The following SV2B variants were observed in gnomAD, a reference collection of about 807,000 sequenced individuals.
SV2B encodes the protein synaptic vesicle glycoprotein 2B.
A neutral mutation model predicts 73.9 loss-of-function variants in SV2B; 41 were observed. That is an observed-to-expected ratio of 0.56 (90% confidence interval 0.43 to 0.72). The LOEUF (loss-of-function observed/expected upper bound fraction) is 0.72, where lower values mean the gene tolerates loss of function less well. Ranked by LOEUF, SV2B falls within the 30% of genes least tolerant of loss-of-function variation. The pLI is 0.00. For missense variants in SV2B, 764 were observed against 857.8 expected, an observed-to-expected ratio of 0.89 and a Z score of 1.37; for synonymous variants, 314 against 314.2, an observed-to-expected ratio of 1.00 and a Z score of 0.01.
intron 1 of SV2B, among the ~76,000 whole-genome samples, chr15:91,199,990 G>A (rs1246045870): frequency 6.6e-6 from 1 of 152,156 alleles, no homozygotes; most frequent in Admixed American, 6.5e-5. Flanking sequence ...TCAGGGCCTG[G>A]CTTTCTTCTG....
chr15:91,255,459 G>A (rs555162580), intron 4 of SV2B, among the ~76,000 whole-genome samples: 1 of 152,234 alleles, frequency 6.6e-6, no homozygotes, highest in Admixed American at 6.5e-5. Flanking sequence ...AGGGACTCTG[G>A]GGACTCGGGG....
intron 1 of SV2B, chr15:91,102,461 A>G (rs1470246298): frequency 6.6e-6 from 1 of 152,222 alleles, no homozygotes; most frequent in South Asian, 2.1e-4. Context: ...CGATCATCAT[A>G]TATAACTTGC....
rs2049146013 is a variant in SV2B at position 91,294,302 on chromosome 15, A to G, written c.*1750A>G. 1 of 152,080 alleles carries G rather than the reference A, an allele frequency of 6.6e-6. No homozygotes were observed. Among genetic ancestry groups the G allele is most frequent in the Non-Finnish European group, 1.5e-5 (1 of 68,012 alleles). 9.4% of individuals were successfully genotyped at this position (152,080 alleles called of 1,614,324 possible). On this transcript the variant is annotated 3_prime_UTR_variant, in exon 13 of 13. Transcript: ENST00000394232. This position sits in a 1 kb window ranked among gnomAD's most constrained non-coding sequence, Gnocchi z 4.1. ...GGTTGGTAGGGGTAAATCTTATGACACCTTTCCACCGTCGATTTGAGATCA... is the reference window on the plus strand; with the variant it reads ...GGTTGGTAGGGGTAAATCTTATGACGCCTTTCCACCGTCGATTTGAGATCA...
chr15:91,107,186 C>A (rs116017613), intron 1 of SV2B, among the ~76,000 whole-genome samples: 268 of 152,208 alleles, frequency 1.8e-3, no homozygotes, highest in African/African-American at 5.6e-3. Context: ...AGCTGCCCTT[C>A]ATTTTTACGT....
intron 1 of SV2B, among the ~76,000 whole-genome samples, chr15:91,211,785 A>C (rs2141428108): frequency 7.1e-6 from 1 of 141,540 alleles, no homozygotes; most frequent in African/African-American, 2.6e-5. Context: ...TACAGGCATG[A>C]GCCACCTCGC....
intron 6 of SV2B, among the ~76,000 whole-genome samples, chr15:91,264,106 C>G (rs979680425): frequency 6.6e-6 from 1 of 152,246 alleles, no homozygotes; most frequent in East Asian, 1.9e-4. Context: ...AGCTCCTCCC[C>G]ACTTGCGTCT....
At chr15:91,243,613 C>G (rs1348919776) in intron 2 of SV2B, among the ~76,000 whole-genome samples, 2 of 152,130 alleles carry the variant, frequency 1.3e-5, no homozygotes, top group Non-Finnish European at 2.9e-5. Context: ...GGGTCTGGGT[C>G]TCCTCATTGC....
chr15:91,250,763 T>A (rs1016577518), intron 2 of SV2B, among the ~76,000 whole-genome samples: 1 of 152,070 alleles, frequency 6.6e-6, no homozygotes, highest in Non-Finnish European at 1.5e-5. Flanking sequence ...AAATGAAAGG[T>A]CTTTATACTG....
At chr15:91,167,200 T>C (rs2043947310) in intron 1 of SV2B, among the ~76,000 whole-genome samples, 1 of 152,196 alleles carries the variant, frequency 6.6e-6, no homozygotes, top group Non-Finnish European at 1.5e-5. Context: ...TTACAGTAGT[T>C]TTTTTAAGGT....
At chr15:91,221,695 A>ACGCGCG (rs937088399) in intron 1 of SV2B, among the ~76,000 whole-genome samples, 2 of 132,330 alleles carry the variant, frequency 1.5e-5, no homozygotes, top group African/African-American at 3.1e-5. Context: ...GCATGTGCGC[A>ACGCGCG]CACACACACA....
At chr15:91,133,299 A>T (rs1018330974) in intron 1 of SV2B, among the ~76,000 whole-genome samples, 2 of 151,976 alleles carry the variant, frequency 1.3e-5, no homozygotes, top group Admixed American at 1.3e-4. Context: ...TTTTGATGAA[A>T]CAAACAAACA....
At chr15:91,219,701 A>C (rs1288899133) in intron 1 of SV2B, among the ~76,000 whole-genome samples, 1 of 152,216 alleles carries the variant, frequency 6.6e-6, no homozygotes, top group Non-Finnish European at 1.5e-5. Flanking sequence ...AGAATTGTAC[A>C]ATCATCACTA....
intron 11 of SV2B, among the ~76,000 whole-genome samples, chr15:91,285,104 T>C (rs999510015): frequency 1.3e-5 from 2 of 152,164 alleles, no homozygotes; most frequent in Non-Finnish European, 2.9e-5. Flanking sequence ...GGAAACACAA[T>C]AAATCATAAA....
intron 1 of SV2B, among the ~76,000 whole-genome samples, chr15:91,215,971 G>A (rs570422153): frequency 3.9e-5 from 6 of 152,138 alleles, no homozygotes; most frequent in South Asian, 4.1e-4. Context: ...AAAAAAATTC[G>A]CAGGGTTTGG....
rs1438549094 is a variant in SV2B, at chr15:91,177,266, C to T, written c.-391-48607C>T. ...ATTGATCTATATCTCTGTTTTGGTA[C>T]CAGTACCATGCTGTTTTGGTTACTG... On this transcript the variant is annotated intron_variant, in intron 1 of 12. Transcript: ENST00000394232. Among the ~76,000 whole-genome samples, 8 of 151,890 alleles carry T rather than the reference C, an allele frequency of 5.3e-5. 1 individual carries two copies. The highest frequency in any genetic ancestry group is 1.7e-4 in the African/African-American group (7 of 41,232).
Position 91,110,169 on chromosome 15 carries a change from T to G in SV2B, c.-392+9806T>G, listed in dbSNP as rs1400773998. On this transcript the variant is annotated intron_variant, in intron 1 of 12. Coordinates refer to ENST00000394232, the MANE Select transcript of SV2B (RefSeq NM_001323032.3). The surrounding 1 kb of genome is among the most constrained non-coding windows in gnomAD (Gnocchi z 5.4). ...TTCTTAGCAGTGTTCATTTGCATGT[T>G]TCTCTCATGAAATGACCATGAAAAC... Among the ~76,000 whole-genome samples the G allele has an allele frequency of 1.3e-5, 2 of 152,220 alleles. No individual in the cohort carries two copies. The highest frequency in any genetic ancestry group is 2.4e-5 in the African/African-American group (1 of 41,456).
At chr15:91,193,525 G>A (rs2045125072) in intron 1 of SV2B, among the ~76,000 whole-genome samples, 1 of 152,190 alleles carries the variant, frequency 6.6e-6, no homozygotes, top group South Asian at 2.1e-4. Flanking sequence ...TCACTTGCCA[G>A]ACCTAATCGA....
rs1052796811 is a variant in SV2B at position 91,145,994 on chromosome 15, C to T, written c.-392+45631C>T. On this transcript the variant is annotated intron_variant, in intron 1 of 12. Coordinates refer to ENST00000394232, the MANE Select transcript of SV2B (RefSeq NM_001323032.3). ...AGAAGCTCTTTAGTTTAATAGGTGC[C>T]ATTTGTCACCTTTTGCTTTTGTTGC... Among the ~76,000 whole-genome samples the T allele has an allele frequency of 3.3e-5, 5 of 152,090 alleles. No individual in the cohort carries two copies. The East Asian group carries it at 9.6e-4, about 29-fold the overall frequency.
rs548891959 is a variant in SV2B at position 91,185,204 on chromosome 15, G to A, written c.-391-40669G>A. Among the ~76,000 whole-genome samples the A allele has an allele frequency of 1.2e-4, 18 of 152,198 alleles. No homozygotes were observed. In the South Asian group the frequency reaches 3.7e-3, roughly 32 times the overall value. On this transcript the variant is annotated intron_variant, in intron 1 of 12. Transcript: ENST00000394232. ...CCCACCTCAGCGTCCCAAGTAGCTG[G>A]GACTACAGGCACATGCCACCACACC...
Sources: allele counts gnomAD v4.1 joint callset (sites outside exome capture counted in the v4.1 genomes callset), GRCh38; gene constraint gnomAD v4.1.1; non-coding constraint Gnocchi (gnomAD v3.1); transcripts MANE v1.5; gene names NCBI Gene and HGNC (gene_info 2026-07-23, HGNC 2026-07-21).